PKP4: variants seen among roughly 807,000 people sequenced by gnomAD.
The protein encoded by PKP4 is plakophilin 4.
Under a neutral mutation model 145.1 loss-of-function variants are expected in PKP4, and 90 were observed. The observed-to-expected ratio is 0.62, with a 90% CI of 0.52 to 0.74. The LOEUF (loss-of-function observed/expected upper bound fraction) is 0.74. Ranked by LOEUF, PKP4 falls within the 30% of genes least tolerant of loss-of-function variation. The pLI is 0.00. For synonymous variants in PKP4, 563 were observed against 577.2 expected (o/e 0.98, Z 0.35); for missense variants, 1,340 against 1,482.7 (o/e 0.90, Z 1.58).
At chr2:158,631,671 G>GT (rs2053372502) in intron 7 of PKP4, 82 bp from the exon 8 acceptor site, 1 of 1,223,846 alleles carries the variant, frequency 8.2e-7, no homozygotes. Flanking sequence ...GATTACAGGG[G>GT]TTAGGAATTT....
intron 2 of PKP4, among the ~76,000 whole-genome samples, chr2:158,554,918 A>G (rs183271284): frequency 6.6e-6 from 1 of 152,226 alleles, no homozygotes; most frequent in Non-Finnish European, 1.5e-5. Context: ...GCAGGGGTCC[A>G]CTACATAATA....
Position 158,663,460 on chromosome 2 carries a change from A to G in PKP4, c.2577+15A>G, listed in dbSNP as rs370321295. 129 of 1,596,754 alleles carry G rather than the reference A, an allele frequency of 8.1e-5. No individual in the cohort carries two copies. The highest frequency in any genetic ancestry group is 1.0e-4 in the Non-Finnish European group (120 of 1,167,212). On this transcript the variant is annotated intron_variant, in intron 15 of 21. Transcript: ENST00000389759. ...GCAACTGGAAGGTAGGATGACTTCC[A>G]CTTATCTACACTTCTTTCCATCTTT... is the stretch of plus-strand genomic sequence containing the variant.
At chr2:158,499,238 G>A (rs575643773) in intron 1 of PKP4, among the ~76,000 whole-genome samples, 8 of 151,720 alleles carry the variant, frequency 5.3e-5, no homozygotes, top group Non-Finnish European at 1.2e-4. Flanking sequence ...TTAAAAAATG[G>A]GCCCCTTTCA....
intron 11 of PKP4, among the ~76,000 whole-genome samples, chr2:158,649,476 C>A (rs1031151707): frequency 6.6e-6 from 1 of 152,180 alleles, no homozygotes; most frequent in Non-Finnish European, 1.5e-5. Flanking sequence ...CTGAATTTCA[C>A]CACTAGCACT....
At chr2:158,457,994 C>T (rs71421076) in intron 1 of PKP4, 5,363 of 152,402 alleles carry the variant, frequency 0.035, 126 homozygotes, top group Middle Eastern at 0.054. Flanking sequence ...TGCCGGCCCT[C>T]TCCCCTGGAC....
At chr2:158,588,584 A>T (rs1457724258) in intron 3 of PKP4, among the ~76,000 whole-genome samples, 1 of 152,146 alleles carries the variant, frequency 6.6e-6, no homozygotes, top group Non-Finnish European at 1.5e-5. Context: ...TATATTTCTT[A>T]AAATAGTACA....
At chr2:158,476,148 C>T (rs908904052) in intron 1 of PKP4, among the ~76,000 whole-genome samples, 2 of 152,134 alleles carry the variant, frequency 1.3e-5, no homozygotes, top group East Asian at 3.8e-4. Flanking sequence ...ATCAGGAAAT[C>T]ATTGGGGTGT....
chr2:158,632,054 C>T, intron 8 of PKP4, 113 bp downstream of exon 8: 1 of 886,386 alleles, frequency 1.1e-6, no homozygotes, highest in Non-Finnish European at 1.8e-6. Flanking sequence ...ATTTGGTTGT[C>T]AGATAAGCAG....
intron 9 of PKP4, among the ~76,000 whole-genome samples, chr2:158,637,884 G>C (rs955245017): frequency 2.6e-5 from 4 of 152,182 alleles, no homozygotes; most frequent in Non-Finnish European, 5.9e-5. Context: ...GCAGTTTTTC[G>C]AGGGTAAATT....
chr2:158,645,507 T>C (rs1462319616), intron 11 of PKP4, among the ~76,000 whole-genome samples: 1 of 152,204 alleles, frequency 6.6e-6, no homozygotes, highest in Non-Finnish European at 1.5e-5. Flanking sequence ...TTGAACTTCC[T>C]GTGTCATGTC....
intron 1 of PKP4, among the ~76,000 whole-genome samples, chr2:158,529,591 T>C (rs2043329096): frequency 6.6e-6 from 1 of 152,190 alleles, no homozygotes; most frequent in South Asian, 2.1e-4. Context: ...GAAGGAAAAT[T>C]GTAAGCTCAC....
At chr2:158,557,489 G>A (rs1395927896) in intron 2 of PKP4, among the ~76,000 whole-genome samples, 4 of 152,168 alleles carry the variant, frequency 2.6e-5, no homozygotes, top group Non-Finnish European at 5.9e-5. Context: ...AGCAGCCTTT[G>A]CAGTGAAAAT....
At chr2:158,641,960 T>C (rs542198394) in intron 10 of PKP4, among the ~76,000 whole-genome samples, 1 of 152,224 alleles carries the variant, frequency 6.6e-6, no homozygotes, top group East Asian at 1.9e-4. Context: ...TCTCCTATCT[T>C]TTTTTGAAGC....
chr2:158,513,343 A>G (rs1308047513), intron 1 of PKP4, among the ~76,000 whole-genome samples: 4 of 152,228 alleles, frequency 2.6e-5, no homozygotes, highest in African/African-American at 7.2e-5. Context: ...TCCCTGATGC[A>G]TCTGCCTGTG....
At chr2:158,576,718 T>A (rs1039768700) in intron 2 of PKP4, among the ~76,000 whole-genome samples, 1 of 152,224 alleles carries the variant, frequency 6.6e-6, no homozygotes, top group Non-Finnish European at 1.5e-5. Flanking sequence ...TGGCACATGA[T>A]TGCTTTTGGA....
chr2:158,581,173 G>C (rs2048301981), intron 3 of PKP4, among the ~76,000 whole-genome samples: 3 of 152,210 alleles, frequency 2.0e-5, no homozygotes, highest in African/African-American at 7.2e-5. Flanking sequence ...ATACAGAGAA[G>C]AACAGAAATT....
At chr2:158,479,271 T>G (rs1398509143) in intron 1 of PKP4, among the ~76,000 whole-genome samples, 1 of 152,094 alleles carries the variant, frequency 6.6e-6, no homozygotes, top group Non-Finnish European at 1.5e-5. Context: ...TCCCTCAGGT[T>G]GGAGTGCAGT....
chr2:158,577,224 C>A (rs1201205340), intron 2 of PKP4, 47 bp from the exon 3 acceptor site: 8 of 1,137,592 alleles, frequency 7.0e-6, no homozygotes, highest in Non-Finnish European at 1.1e-5. Context: ...TCTGCCTGAG[C>A]AGCATACCTT....
chr2:158,626,232 T>C (rs147706451), intron 7 of PKP4, among the ~76,000 whole-genome samples: 1 of 152,380 alleles, frequency 6.6e-6, no homozygotes, highest in East Asian at 1.9e-4. Flanking sequence ...TCTTTGCATT[T>C]ACAAATATAT....
Sources: gnomAD v4.1 joint callset for allele counts (sites outside exome capture counted in the v4.1 genomes callset) on GRCh38, gnomAD v4.1.1 for gene constraint, MANE v1.5 for transcripts, NCBI Gene and HGNC (gene_info 2026-07-23, HGNC 2026-07-21) for gene names.